KCNMA1: variants seen among roughly 807,000 people sequenced by gnomAD.
KCNMA1 encodes the protein potassium calcium-activated channel subfamily M alpha 1.
In KCNMA1, 29 loss-of-function variants were observed where a neutral mutation model predicts 140.0. The ratio of observed to expected loss-of-function variants is 0.21; its 90% CI spans 0.15 to 0.28. The LOEUF (loss-of-function observed/expected upper bound fraction) is 0.28, where lower values mean the gene tolerates loss of function less well. Among genes scored for constraint, KCNMA1 ranks in the 10% least tolerant of loss-of-function variants. KCNMA1 has a pLI of 1.00. For missense variants in KCNMA1, 880 were observed against 1,602.2 expected (o/e 0.55, Z 7.70); for synonymous variants, 612 against 611.9 (o/e 1.00, Z 0.00).
rs189646537 is a variant in KCNMA1 at position 76,988,499 on chromosome 10, G to A, written c.2266+12908C>T. Among the ~76,000 whole-genome samples, 72 of 152,272 alleles carry A rather than the reference G, an allele frequency of 4.7e-4. 1 individual carries two copies. The highest frequency in any genetic ancestry group is 1.7e-3 in the African/African-American group (71 of 41,542). On this transcript the variant is annotated intron_variant, in intron 19 of 27. Transcript: ENST00000286628. ...ACTATGATCACACCACTGCACTCCA[G>A]CCTGGGTGACAGAAGGAGGTCCCAT...
In KCNMA1 at chr10:77,086,607, G is replaced by A. The variant is rs781038538; in HGVS notation, c.1335-14C>T. On this transcript the variant is annotated splice_polypyrimidine_tract_variant and intron_variant, in intron 10 of 27. Transcript: ENST00000286628. The stretch of plus-strand genomic sequence containing the variant: ...TTGGGGGAGATGCTACACAGGGAGA[G>A]AAGAAATCGCTATTAATTTAATGGA... The A allele has an allele frequency of 4.4e-6, 7 of 1,578,662 alleles. No individual in the cohort carries two copies. In the South Asian group the frequency reaches 7.8e-5, roughly 17 times the overall value.
chr10:77,274,754 T>C (rs1264815891), intron 2 of KCNMA1, among the ~76,000 whole-genome samples: 2 of 152,178 alleles, frequency 1.3e-5, no homozygotes, highest in African/African-American at 2.4e-5. Flanking sequence ...TTCTGGAGAA[T>C]GTAGGTGATT....
Position 77,311,771 on chromosome 10 carries a change from C to T in KCNMA1, c.541-60515G>A, listed in dbSNP as rs28384354. ...AGCCCTCTGCAGGAGCATGACATTC[C>T]GCAAGGCTGGAGTGGATCTGCCTCT... is the stretch of plus-strand genomic sequence containing the variant. On this transcript the variant is annotated intron_variant, in intron 2 of 27. Coordinates refer to ENST00000286628, the MANE Select transcript of KCNMA1 (RefSeq NM_001161352.2). 2.6e-3 allele frequency among the ~76,000 whole-genome samples: 400 copies of T among 152,268 alleles called. 1 individual carries two copies. Among genetic ancestry groups the T allele is most frequent in the African/African-American group, 9.0e-3 (376 of 41,554 alleles).
At chr10:77,006,178 A>G (rs1326125493) in intron 18 of KCNMA1, among the ~76,000 whole-genome samples, 1 of 152,226 alleles carries the variant, frequency 6.6e-6, no homozygotes, top group African/African-American at 2.4e-5. Flanking sequence ...GTGGATTGGA[A>G]GAGGCAGGAA....
At chr10:77,528,586 G>C (rs566980720) in intron 1 of KCNMA1, among the ~76,000 whole-genome samples, 29 of 150,406 alleles carry the variant, frequency 1.9e-4, no homozygotes, top group Admixed American at 4.6e-4. Context: ...TCCAGCCTGG[G>C]TGACAGAGTG....
intron 5 of KCNMA1, among the ~76,000 whole-genome samples, chr10:77,155,595 C>T (rs77986473): frequency 0.043 from 6,534 of 152,196 alleles, 192 homozygotes; most frequent in Middle Eastern, 0.075. Context: ...TCCCATGCTG[C>T]CCCCGAGATT....
intron 1 of KCNMA1, among the ~76,000 whole-genome samples, chr10:77,422,591 T>C (rs954427138): frequency 3.9e-5 from 6 of 152,212 alleles, no homozygotes; most frequent in African/African-American, 1.4e-4. Flanking sequence ...TTTGTTTCAA[T>C]AGTAATCCCC....
intron 2 of KCNMA1, among the ~76,000 whole-genome samples, chr10:77,316,521 T>A (rs369005893): frequency 1.6e-4 from 24 of 152,286 alleles, no homozygotes; most frequent in African/African-American, 5.8e-4. Flanking sequence ...GAGGGTTGGC[T>A]TCACCCTCAG....
chr10:76,954,328 TATGAGCCTCGGCA>T (rs2067382877), intron 20 of KCNMA1, among the ~76,000 whole-genome samples: 1 of 152,016 alleles, frequency 6.6e-6, no homozygotes. Flanking sequence ...AAAGGGTTGC[TATGAGCCTCGGCA>T]ATGAAGAGGA....
intron 2 of KCNMA1, among the ~76,000 whole-genome samples, chr10:77,377,507 G>A (rs1263899631): frequency 6.6e-6 from 1 of 152,154 alleles, no homozygotes; most frequent in Non-Finnish European, 1.5e-5. Flanking sequence ...TGGTGGAAAT[G>A]ACCTCAACTT....
intron 23 of KCNMA1, among the ~76,000 whole-genome samples, chr10:76,934,855 T>G (rs1262219415): frequency 6.6e-6 from 1 of 152,208 alleles, no homozygotes; most frequent in Non-Finnish European, 1.5e-5. Context: ...CAGTGGTCTC[T>G]TCATTCTCAT....
intron 1 of KCNMA1, among the ~76,000 whole-genome samples, chr10:77,574,434 T>C (rs1253016410): frequency 1.3e-5 from 2 of 152,188 alleles, no homozygotes; most frequent in Non-Finnish European, 2.9e-5. Flanking sequence ...TGCCTCTGAA[T>C]CTTTTTAACA....
At chr10:77,093,066 A>G (rs1369851756) in intron 9 of KCNMA1, among the ~76,000 whole-genome samples, 1 of 152,190 alleles carries the variant, frequency 6.6e-6, no homozygotes, top group Non-Finnish European at 1.5e-5. Flanking sequence ...CACTTCTCTT[A>G]AGAAGTAGAC....
chr10:77,338,379 G>T (rs1423873450), intron 2 of KCNMA1, among the ~76,000 whole-genome samples: 2 of 152,108 alleles, frequency 1.3e-5, no homozygotes, highest in African/African-American at 4.8e-5. Flanking sequence ...AGAGACTGAG[G>T]AATAAACATG....
chr10:77,088,462 T>G (rs1299432945), intron 10 of KCNMA1, among the ~76,000 whole-genome samples: 1 of 152,006 alleles, frequency 6.6e-6, no homozygotes. Flanking sequence ...TGTTTTGTTT[T>G]TTGGAGACAG....
chr10:77,163,635 C>A lies in KCNMA1; in HGVS notation c.808+19786G>T, dbSNP rs77379534. On this transcript the variant is annotated intron_variant, in intron 5 of 27. Transcript: ENST00000286628. The stretch of plus-strand genomic sequence containing the variant: ...CAGCAGAAAGAGGCTCATCAAGTAA[C>A]CTTCCAAGCACCTTTGCAATCACAA... 9.5e-4 allele frequency among the ~76,000 whole-genome samples: 144 copies of A among 152,320 alleles called. 2 individuals carry two copies. The highest frequency in any genetic ancestry group is 3.3e-3 in the African/African-American group (138 of 41,576).
chr10:76,877,960 C>G lies in KCNMA1; in HGVS notation c.3428-70G>C, dbSNP rs572562480. 6 of 1,501,010 alleles carry G rather than the reference C, an allele frequency of 4.0e-6. No homozygotes were observed. The East Asian group carries it at 7.0e-5, about 18-fold the overall frequency. 93.0% of individuals were successfully genotyped at this position (1,501,010 alleles called of 1,614,324 possible). On this transcript the variant is annotated intron_variant, in intron 29 of 29. Coordinates refer to the KCNMA1 transcript ENST00000372403. ...AAGTTTAATTAGTCCTAGGGTAAAG[C>G]CTTTGGAAAGTTCATTGAAAAACGC...
chr10:77,542,534 C>A (rs528241949), intron 1 of KCNMA1, among the ~76,000 whole-genome samples: 2 of 152,290 alleles, frequency 1.3e-5, no homozygotes, highest in South Asian at 4.1e-4. Flanking sequence ...TGGCCCTCCC[C>A]TAAGGGAATC....
At chr10:77,119,222 G>A (rs2097544993) in intron 6 of KCNMA1, among the ~76,000 whole-genome samples, 1 of 152,224 alleles carries the variant, frequency 6.6e-6, no homozygotes, top group Non-Finnish European at 1.5e-5. Flanking sequence ...AGAGGTGAGT[G>A]TCCTAGCAGA....
Sources: gnomAD v4.1 joint callset for allele counts (sites outside exome capture counted in the v4.1 genomes callset) on GRCh38, gnomAD v4.1.1 for gene constraint, MANE v1.5 for transcripts, NCBI Gene and HGNC (gene_info 2026-07-23, HGNC 2026-07-21) for gene names.